The following CIBAR2 variants were observed in gnomAD, a reference collection of about 807,000 sequenced individuals.
CIBAR2 encodes CBY1 interacting BAR domain containing 2, also known as CBY1-interacting BAR domain-containing protein 2.
Under a neutral mutation model 36.2 loss-of-function variants are expected in CIBAR2, and 38 were observed. The ratio of observed to expected loss-of-function variants is 1.05; its 90% CI spans 0.81 to 1.38. The LOEUF (loss-of-function observed/expected upper bound fraction) is 1.38, where lower values mean the gene tolerates loss of function less well. Ranked by LOEUF, CIBAR2 falls within the 40% of genes most tolerant of loss-of-function variation. The pLI is 0.00. For missense variants in CIBAR2, 481 were observed against 383.4 expected (o/e 1.25, Z -2.13); for synonymous variants, 182 against 149.5 (o/e 1.22, Z -1.58).
At chr16:85,107,515 C>T in intron 5 of CIBAR2, 152 bp downstream of exon 5, 1 of 791,176 alleles carries the variant, frequency 1.3e-6, no homozygotes, top group Non-Finnish European at 2.2e-6. Flanking sequence ...CCCCAGAGCC[C>T]CTTTTTACTG....
intron 4 of CIBAR2, 23 bp downstream of exon 4, chr16:85,107,823 G>A (rs1352746701): frequency 6.2e-7 from 1 of 1,600,966 alleles, no homozygotes; most frequent in Non-Finnish European, 8.6e-7. Context: ...GCAGCCCCAG[G>A]CCCCACTTCC....
rs1228312488 is a variant in CIBAR2, at chr16:85,098,526, C to T, written c.*659G>A. ...ACACAGCAGAGCCCACCTGAGGATC[C>T]AAGGCCAGCTAAGTTCTTCTGACTG... On this transcript the variant is annotated 3_prime_UTR_variant, in exon 9 of 9. Transcript: ENST00000539556. The T allele has an allele frequency of 1.0e-6, 1 of 986,098 alleles. No homozygotes were observed. The highest frequency in any genetic ancestry group is 1.2e-6 in the Non-Finnish European group (1 of 830,234). 61.1% of individuals were successfully genotyped at this position (986,098 alleles called of 1,614,324 possible).
At chr16:85,104,304 C>A (rs2073978264) in intron 6 of CIBAR2, among the ~76,000 whole-genome samples, 1 of 152,230 alleles carries the variant, frequency 6.6e-6, no homozygotes, top group Admixed American at 6.5e-5. Flanking sequence ...AGGCCGCAGG[C>A]CTGAGCCAGG....
chr16:85,111,782 T>C (rs535622977), intron 1 of CIBAR2, among the ~76,000 whole-genome samples: 2 of 152,360 alleles, frequency 1.3e-5, no homozygotes, highest in East Asian at 3.9e-4. Flanking sequence ...CGATGGAGGT[T>C]GCAGTGAGCC....
chr16:85,110,327 G>C lies in CIBAR2; in HGVS notation c.154C>G (p.Gln52Glu). ...TCGGAGTTGGCAAAGTCGATGAGCTGCTTGACCAGCTGGTCCGCCTTGTCC... is the reference window on the plus strand; with the variant it reads ...TCGGAGTTGGCAAAGTCGATGAGCTCCTTGACCAGCTGGTCCGCCTTGTCC... ...LRDKADQLVKQLIDFANSENP... is the reference protein window; with the variant it reads ...LRDKADQLVKELIDFANSENP... Residue 52 changes from glutamine (Q) to glutamate (E), a missense_variant, in exon 2 of 9, where the codon CAG becomes GAG. Gln to Glu is a conservative substitution (Grantham distance 29). Coordinates refer to ENST00000539556, the MANE Select transcript of CIBAR2 (RefSeq NM_198491.3). 1.9e-6 allele frequency: 3 copies of C among 1,612,856 alleles called. No individual in the cohort carries two copies. The highest frequency in any genetic ancestry group is 2.5e-6 in the Non-Finnish European group (3 of 1,179,408).
chr16:85,102,279 C>T lies in CIBAR2; in HGVS notation c.586G>A (p.Ala196Thr). 2 of 1,613,934 alleles carry T rather than the reference C, an allele frequency of 1.2e-6. No homozygotes were observed. Among genetic ancestry groups the T allele is most frequent in the Non-Finnish European group, 1.7e-6 (2 of 1,179,838 alleles). Residue 196 changes from alanine (A) to threonine (T), a missense_variant, in exon 7 of 9, where the codon GCG (alanine) becomes ACG (threonine). Ala to Thr is a moderately conservative substitution (Grantham distance 58). Coordinates refer to ENST00000539556, the MANE Select transcript of CIBAR2 (RefSeq NM_198491.3). Reference protein sequence around the residue: ...VTIEMVFHAKAVEVYSSAFQT... With the variant: ...VTIEMVFHAKTVEVYSSAFQT... Reference sequence around the variant, plus strand: ...AAGGCGCTAGAATACACCTCCACCGCTTTGGCATGGAAAACCATCTCAATA... The same window carrying T: ...AAGGCGCTAGAATACACCTCCACCGTTTTGGCATGGAAAACCATCTCAATA...
At position 85,105,094 on chromosome 16, in the gene CIBAR2, G is replaced by A. The variant is rs1405522847; in HGVS notation, c.537+233C>T. ...GACCTAGGGCCACCCAGTGGCTTCC[G>A]GCTGTGCTGGGACAGCTGCCCTGAG... On this transcript the variant is annotated intron_variant, in intron 6 of 8. Transcript: ENST00000539556. 3.3e-5 allele frequency among the ~76,000 whole-genome samples: 5 copies of A among 152,218 alleles called. No individual in the cohort carries two copies. In the East Asian group the frequency reaches 5.8e-4, roughly 18 times the overall value.
rs568340918 is a variant in CIBAR2, at chr16:85,098,765, G to T, written c.*420C>A. ...GTCTCAAGTGTTTGTTGCGCAACAG[G>T]CCGGGTTTTCTGTGCTTCGTATAGA... is the stretch of plus-strand genomic sequence containing the variant. On this transcript the variant is annotated 3_prime_UTR_variant, in exon 9 of 9. Transcript: ENST00000539556. 38 of 458,286 alleles carry T rather than the reference G, an allele frequency of 8.3e-5. No homozygotes were observed. The highest frequency in any genetic ancestry group is 7.4e-4 in the African/African-American group (35 of 47,016). 28.4% of individuals were successfully genotyped at this position (458,286 alleles called of 1,614,324 possible).
intron 7 of CIBAR2, among the ~76,000 whole-genome samples, 182 bp from the exon 8 acceptor site, chr16:85,100,422 TG>T (rs2073946593): frequency 6.6e-6 from 1 of 152,074 alleles, no homozygotes; most frequent in South Asian, 2.1e-4. Flanking sequence ...GCCCGGTGAG[TG>T]GGCATTATCA....
At chr16:85,101,795 G>A (rs552036400) in intron 7 of CIBAR2, among the ~76,000 whole-genome samples, 6 of 151,732 alleles carry the variant, frequency 4.0e-5, no homozygotes, top group South Asian at 2.1e-4. Flanking sequence ...TCAGCCTCCC[G>A]AGTAGCTGGG....
chr16:85,104,759 T>C (rs1480709875), intron 6 of CIBAR2, among the ~76,000 whole-genome samples: 1 of 152,006 alleles, frequency 6.6e-6, no homozygotes, highest in Non-Finnish European at 1.5e-5. Context: ...GTGTGCACCT[T>C]TGGAGAATGG....
intron 5 of CIBAR2, among the ~76,000 whole-genome samples, chr16:85,107,137 A>C (rs1038598223): frequency 2.0e-5 from 3 of 151,414 alleles, no homozygotes; most frequent in Non-Finnish European, 4.4e-5. Flanking sequence ...ACAGAGCGAG[A>C]CTTTGTCTCT....
chr16:85,108,881 C>CA (rs879932618), intron 2 of CIBAR2, among the ~76,000 whole-genome samples: 23 of 152,006 alleles, frequency 1.5e-4, no homozygotes, highest in Admixed American at 1.1e-3. Flanking sequence ...TCTCAGAAAA[C>CA]AAAAAACAAC....
chr16:85,100,255 C>T lies in CIBAR2; in HGVS notation c.652-15G>A. The T allele has an allele frequency of 8.2e-6, 13 of 1,583,704 alleles. No individual in the cohort carries two copies. The highest frequency in any genetic ancestry group is 1.0e-5 in the Non-Finnish European group (12 of 1,160,034). ...GCTCTAAAATCCTGCCGGGGAGAGA[C>T]CAGGGTGGGTGGGATCCGATGGGAA... On this transcript the variant is annotated splice_polypyrimidine_tract_variant and intron_variant, in intron 7 of 8. Transcript: ENST00000539556.
chr16:85,102,352 T>C (rs779431499), intron 6 of CIBAR2, 25 bp from the exon 7 acceptor site: 8 of 1,410,952 alleles, frequency 5.7e-6, no homozygotes, highest in East Asian at 2.3e-5. Context: ...ACCCAAAGAA[T>C]GTAAGCATCG....
chr16:85,098,614 T>C lies in CIBAR2; in HGVS notation c.*571A>G. The C allele has an allele frequency of 1.0e-6, 1 of 985,582 alleles. No homozygotes were observed. Among genetic ancestry groups the C allele is most frequent in the Non-Finnish European group, 1.2e-6 (1 of 829,680 alleles). 61.1% of individuals were successfully genotyped at this position (985,582 alleles called of 1,614,324 possible). A position where few individuals can be genotyped will look rare whatever the true frequency, so the allele number is the denominator to read the frequency against. ...TGCCCTGAGGTCCTCCACGGGGGCC[T>C]CCTCCATGGAGTTGTCCTCACTCTC... On this transcript the variant is annotated 3_prime_UTR_variant, in exon 9 of 9. Coordinates refer to ENST00000539556, the MANE Select transcript of CIBAR2 (RefSeq NM_198491.3).
chr16:85,099,992 A>G (rs1315491860), intron 8 of CIBAR2, 147 bp downstream of exon 8: 12 of 635,618 alleles, frequency 1.9e-5, no homozygotes, highest in Non-Finnish European at 3.3e-5. Flanking sequence ...GCAGCCCTCC[A>G]TGCTCCCACC....
chr16:85,107,910 T>C lies in CIBAR2; in HGVS notation c.362A>G (p.Glu121Gly), dbSNP rs980583291. 4.3e-6 allele frequency: 7 copies of C among 1,614,066 alleles called. No homozygotes were observed. In the African/African-American group the frequency reaches 9.3e-5, roughly 22 times the overall value. ...IKKFKHVQNHEIKQLEKLEKL... is the reference protein window; with the variant it reads ...IKKFKHVQNHGIKQLEKLEKL... ...CTCCAGTTTTTCCAGTTGTTTGATC[T>C]CATGATTTTGGACATGTTTGAATTT... Residue 121 changes from glutamate to glycine, a missense_variant, in exon 4 of 9, where the codon GAG becomes GGG. Physicochemically the swap from Glu to Gly is moderately conservative, Grantham distance 98. Coordinates refer to ENST00000539556, the MANE Select transcript of CIBAR2 (RefSeq NM_198491.3).
intron 2 of CIBAR2, 99 bp from the exon 3 acceptor site, chr16:85,108,198 A>C (rs1031169760): frequency 1.7e-6 from 2 of 1,164,188 alleles, no homozygotes; most frequent in Non-Finnish European, 2.4e-6. Flanking sequence ...CCGCGTGTCC[A>C]GAGCTGTGCG....
Sources: gnomAD v4.1 joint callset for allele counts (sites outside exome capture counted in the v4.1 genomes callset) on GRCh38, gnomAD v4.1.1 for gene constraint, MANE v1.5 for transcripts, NCBI Gene and HGNC (gene_info 2026-07-23, HGNC 2026-07-21) for gene names.